The following LDLRAD3 variants were observed in gnomAD, a reference collection of about 807,000 sequenced individuals.
The protein encoded by LDLRAD3 is low density lipoprotein receptor class A domain containing 3.
Under a neutral mutation model 29.4 loss-of-function variants are expected in LDLRAD3, and 20 were observed. The observed-to-expected ratio is 0.68, with a 90% confidence interval of 0.48 to 0.99. LDLRAD3 has a LOEUF of 0.99. Among genes scored for constraint, LDLRAD3 ranks in the 50% least tolerant of loss-of-function variants. The probability of loss-of-function intolerance (pLI) is 0.00; values close to 1 mark genes in which losing one functional copy is unlikely to be tolerated. For synonymous variants in LDLRAD3, 157 were observed against 192.7 expected (o/e 0.81, Z 1.53); for missense variants, 420 against 454.3 (o/e 0.92, Z 0.69).
intron 2 of LDLRAD3, among the ~76,000 whole-genome samples, chr11:36,060,881 ATT>A (rs1852688070): frequency 6.6e-6 from 1 of 152,192 alleles, no homozygotes; most frequent in Non-Finnish European, 1.5e-5. Context: ...ATTTTAAACT[ATT>A]TATTTATCTC....
At chr11:36,152,588 C>T (rs1257210388) in intron 4 of LDLRAD3, among the ~76,000 whole-genome samples, 5 of 152,188 alleles carry the variant, frequency 3.3e-5, no homozygotes, top group African/African-American at 9.7e-5. Flanking sequence ...CAAATTCATC[C>T]ATTCTTCTTT....
At chr11:36,172,298 T>C (rs1854609144) in intron 4 of LDLRAD3, among the ~76,000 whole-genome samples, 1 of 152,146 alleles carries the variant, frequency 6.6e-6, no homozygotes, top group African/African-American at 2.4e-5. Flanking sequence ...TGACCTCCTC[T>C]TTGACAATTT....
At chr11:36,135,786 T>C (rs1269587954) in intron 4 of LDLRAD3, among the ~76,000 whole-genome samples, 4 of 152,128 alleles carry the variant, frequency 2.6e-5, no homozygotes, top group Admixed American at 2.6e-4. Context: ...GGTGCACACC[T>C]GTAATCCCAG....
intron 3 of LDLRAD3, among the ~76,000 whole-genome samples, chr11:36,090,814 A>G (rs1034413713): frequency 2.6e-4 from 39 of 152,230 alleles, no homozygotes; most frequent in African/African-American, 8.9e-4. Context: ...GCGGCTGTAC[A>G]TAGGCTACGT....
rs575662752 is a variant in LDLRAD3 at position 36,221,181 on chromosome 11, C to G, written c.455-5904C>G. ...TGGCCATCATAGTGAAACCCCATCT[C>G]TACTAAGTATATAAAATTAGCCAGG... On this transcript the variant is annotated intron_variant, in intron 4 of 5. Coordinates refer to ENST00000315571, the MANE Select transcript of LDLRAD3 (RefSeq NM_174902.4). Among the ~76,000 whole-genome samples the G allele has an allele frequency of 8.0e-4, 122 of 152,142 alleles. 1 individual carries two copies. The highest frequency in any genetic ancestry group is 2.7e-3 in the African/African-American group (113 of 41,518).
chr11:36,191,576 CTATA>C lies in LDLRAD3; in HGVS notation c.455-35488_455-35485del, dbSNP rs71310173. 3.4e-3 allele frequency among the ~76,000 whole-genome samples: 183 copies of C among 53,410 alleles called. 1 individual carries two copies. The highest frequency in any genetic ancestry group is 4.0e-3 in the Non-Finnish European group (118 of 29,708). The allele number at this position is 53,410 out of a possible 152,430, so 35.0% of individuals were successfully genotyped here. On this transcript the variant is annotated intron_variant, in intron 4 of 5. Transcript: ENST00000315571. ...TCTCTCTCTCTCTCTCTCTCTCTCT[CTATA>C]TATATATATATATATATATACACAC...
Position 35,990,617 on chromosome 11 carries a change from T to C in LDLRAD3, c.47-45486T>C, listed in dbSNP as rs188982206. On this transcript the variant is annotated intron_variant, in intron 1 of 5. Coordinates refer to ENST00000315571, the MANE Select transcript of LDLRAD3 (RefSeq NM_174902.4). ...TTTTAGTAGAGATGGGGTTTTGCCA[T>C]GTTGCCCAGGCTGGTCTCGAACTCC... Among the ~76,000 whole-genome samples the C allele has an allele frequency of 7.6e-3, 1,163 of 152,046 alleles. 18 individuals carry two copies. Among genetic ancestry groups the C allele is most frequent in the South Asian group, 0.049 (234 of 4,804 alleles).
At chr11:36,066,355 C>T (rs1852793476) in intron 2 of LDLRAD3, among the ~76,000 whole-genome samples, 1 of 152,060 alleles carries the variant, frequency 6.6e-6, no homozygotes, top group African/African-American at 2.4e-5. Flanking sequence ...GAAGTTTTTC[C>T]ACCAAGTAGT....
At chr11:36,035,538 A>C (rs1852292629) in intron 1 of LDLRAD3, among the ~76,000 whole-genome samples, 1 of 152,122 alleles carries the variant, frequency 6.6e-6, no homozygotes, top group South Asian at 2.1e-4. Context: ...ACAAATCCCA[A>C]GTTCAAGATT....
intron 1 of LDLRAD3, among the ~76,000 whole-genome samples, chr11:36,028,620 T>C (rs1230441506): frequency 6.6e-6 from 1 of 152,230 alleles, no homozygotes; most frequent in Non-Finnish European, 1.5e-5. Context: ...GCACTAACTT[T>C]GAACCTCAAT....
chr11:35,953,350 A>G (rs1851161304), intron 1 of LDLRAD3, among the ~76,000 whole-genome samples: 1 of 152,258 alleles, frequency 6.6e-6, no homozygotes, highest in Non-Finnish European at 1.5e-5. Flanking sequence ...AACTTGATTT[A>G]GAAGACTTGC....
chr11:36,215,639 C>G (rs1180527222), intron 4 of LDLRAD3, among the ~76,000 whole-genome samples: 1 of 152,126 alleles, frequency 6.6e-6, no homozygotes, highest in Non-Finnish European at 1.5e-5. Flanking sequence ...AACGAACAGC[C>G]CTGCCCTCCA....
At chr11:36,111,830 C>T (rs913851873) in intron 4 of LDLRAD3, among the ~76,000 whole-genome samples, 1 of 152,310 alleles carries the variant, frequency 6.6e-6, no homozygotes, top group South Asian at 2.1e-4. Flanking sequence ...GACTCTTGAC[C>T]TCGTGATCCA....
chr11:35,999,500 GC>G (rs1851796169), intron 1 of LDLRAD3, among the ~76,000 whole-genome samples: 1 of 152,166 alleles, frequency 6.6e-6, no homozygotes, highest in South Asian at 2.1e-4. Flanking sequence ...CCTGCTGCCT[GC>G]AGATTCACTC....
chr11:35,962,257 GGGGTA>G (rs1373254116), intron 1 of LDLRAD3, among the ~76,000 whole-genome samples: 22 of 152,226 alleles, frequency 1.4e-4, no homozygotes, highest in African/African-American at 5.1e-4. Flanking sequence ...CCAAGTTCTA[GGGGTA>G]TTCTCTTTCA....
chr11:35,963,992 C>T (rs149140746), intron 1 of LDLRAD3, among the ~76,000 whole-genome samples: 260 of 152,222 alleles, frequency 1.7e-3, no homozygotes, highest in African/African-American at 5.9e-3. Context: ...CCATTTCTTC[C>T]GGCCATGATG....
intron 4 of LDLRAD3, among the ~76,000 whole-genome samples, chr11:36,170,289 T>C (rs1476732022): frequency 1.4e-5 from 2 of 139,302 alleles, no homozygotes; most frequent in Non-Finnish European, 3.1e-5. Context: ...TGTACATATA[T>C]ACACACATAT....
chr11:36,229,264 G>A lies in LDLRAD3; in HGVS notation c.905G>A (p.Ser302Asn), dbSNP rs775793727. ...CGCTCCCGGTCCGGGAGTGCCAACA[G>A]TGCCAGCTCCCAGGCAGCCAGCAGC... The part of the protein sequence containing the change: ...PYRSRSGSAN[S>N]ASSQAASSLL... Residue 302 changes from serine to asparagine, a missense_variant, in exon 6 of 6, where the codon AGT (serine) becomes AAT (asparagine). Physicochemically the swap from Ser to Asn is conservative, Grantham distance 46. This residue lies in a region of LDLRAD3 where 140 missense variants were observed against 139.9 expected (regional missense o/e 1.00). Transcript: ENST00000315571. 5 of 1,613,992 alleles carry A rather than the reference G, an allele frequency of 3.1e-6. No individual in the cohort carries two copies. The highest frequency in any genetic ancestry group is 4.2e-6 in the Non-Finnish European group (5 of 1,180,036).
At chr11:36,095,051 T>C (rs1387482131) in intron 3 of LDLRAD3, among the ~76,000 whole-genome samples, 2 of 151,950 alleles carry the variant, frequency 1.3e-5, no homozygotes, top group Non-Finnish European at 2.9e-5. Flanking sequence ...CTAGGCGTGG[T>C]GGTATATGCC....
Sources: allele counts gnomAD v4.1 joint callset (sites outside exome capture counted in the v4.1 genomes callset), GRCh38; gene constraint gnomAD v4.1.1; regional missense constraint gnomAD v4.1.1; transcripts MANE v1.5; gene names NCBI Gene and HGNC (gene_info 2026-07-23, HGNC 2026-07-21).